Variants in SIK3 observed in about 807,000 individuals in gnomAD.
SIK3 encodes serine/threonine-protein kinase SIK3.
Under a neutral mutation model 144.2 loss-of-function variants are expected in SIK3, and 28 were observed. The ratio of observed to expected loss-of-function variants is 0.19; its 90% CI spans 0.14 to 0.27. The LOEUF (loss-of-function observed/expected upper bound fraction) is 0.27. SIK3 is among the 10% of genes least tolerant of loss of function. SIK3 has a pLI of 1.00. For missense variants in SIK3, 1,319 were observed against 1,776.0 expected, an observed-to-expected ratio of 0.74 and a Z score of 4.62; for synonymous variants, 686 against 676.3, an observed-to-expected ratio of 1.01 and a Z score of -0.22.
intron 1 of SIK3, among the ~76,000 whole-genome samples, chr11:116,994,463 C>T (rs1394626221): frequency 6.6e-6 from 1 of 152,160 alleles, no homozygotes; most frequent in African/African-American, 2.4e-5. Flanking sequence ...AGGTGCTTGC[C>T]CTTGCTGGGT....
intron 1 of SIK3, among the ~76,000 whole-genome samples, chr11:116,993,537 T>A (rs1301153785): frequency 6.6e-6 from 1 of 152,202 alleles, no homozygotes; most frequent in Non-Finnish European, 1.5e-5. Context: ...TTTTTTTTCT[T>A]CCCATCCTTC....
chr11:116,890,307 C>T (rs959074555), intron 6 of SIK3, among the ~76,000 whole-genome samples: 3 of 152,136 alleles, frequency 2.0e-5, no homozygotes, highest in Admixed American at 1.3e-4. Context: ...TGAGAAACAG[C>T]AAGGAAGGCC....
chr11:116,962,317 A>G (rs1205051109), intron 1 of SIK3, among the ~76,000 whole-genome samples: 1 of 152,222 alleles, frequency 6.6e-6, no homozygotes, highest in Non-Finnish European at 1.5e-5. Flanking sequence ...CAAGGGCTCA[A>G]ATTCTTCCAA....
In SIK3 at chr11:117,015,927, C is replaced by T. The variant is rs1951505160; in HGVS notation, c.274-58863G>A. ...GTCCTATGGTAGTGGGTTATCAGAA[C>T]TTATTAACTTTAGTGTCACTAAAGT... On this transcript the variant is annotated intron_variant, in intron 1 of 24. Transcript: ENST00000445177. 2.0e-5 allele frequency: 3 copies of T among 152,152 alleles called. No individual in the cohort carries two copies. In the South Asian group the frequency reaches 6.2e-4, roughly 32 times the overall value. 9.4% of individuals were successfully genotyped at this position (152,152 alleles called of 1,614,324 possible). A position where few individuals can be genotyped will look rare whatever the true frequency, so the allele number is the denominator to read the frequency against.
intron 1 of SIK3, among the ~76,000 whole-genome samples, chr11:117,013,909 G>GTGTGTGTGTGTGTGTGTGTAT (rs1565556631): frequency 8.4e-5 from 3 of 35,624 alleles, no homozygotes; most frequent in South Asian, 8.2e-4. Context: ...AGGGGGGGGG[G>GTGTGTGTGTGTGTGTGTGTAT]GGGAGGGTGT....
At chr11:116,909,128 T>C (rs1266728240) in intron 4 of SIK3, among the ~76,000 whole-genome samples, 1 of 152,118 alleles carries the variant, frequency 6.6e-6, no homozygotes, top group Non-Finnish European at 1.5e-5. Context: ...CATGGATAAA[T>C]CTCACAGACT....
chr11:116,991,803 A>G (rs186364993), intron 1 of SIK3, among the ~76,000 whole-genome samples: 8 of 152,182 alleles, frequency 5.3e-5, no homozygotes, highest in Admixed American at 5.2e-4. Flanking sequence ...GGCCCATTCA[A>G]TCTCCTATCA....
chr11:116,991,634 A>G (rs1950504329), intron 1 of SIK3, among the ~76,000 whole-genome samples: 1 of 152,228 alleles, frequency 6.6e-6, no homozygotes, highest in Non-Finnish European at 1.5e-5. Context: ...GATCTGATCT[A>G]AAAGGTCTAA....
intron 2 of SIK3, 79 bp downstream of exon 2, chr11:116,956,869 C>G (rs970669327): frequency 1.2e-6 from 1 of 807,068 alleles, no homozygotes; most frequent in East Asian, 2.8e-5. Context: ...TGTTCACCCA[C>G]CCACATTTCT....
At chr11:116,935,139 T>C (rs1236734175) in intron 3 of SIK3, among the ~76,000 whole-genome samples, 2 of 151,978 alleles carry the variant, frequency 1.3e-5, no homozygotes, top group Non-Finnish European at 2.9e-5. Flanking sequence ...TGGTAATCTG[T>C]TGAGAGGCTG....
intron 1 of SIK3, among the ~76,000 whole-genome samples, chr11:117,074,892 A>C (rs1348897132): frequency 4.0e-5 from 6 of 151,328 alleles, no homozygotes; most frequent in Admixed American, 1.3e-4. Context: ...GCGCCATTGC[A>C]CTCCAGCCTG....
intron 1 of SIK3, among the ~76,000 whole-genome samples, chr11:117,014,290 A>G (rs1306780678): frequency 6.6e-6 from 1 of 151,890 alleles, no homozygotes; most frequent in Admixed American, 6.6e-5. Context: ...GTCACAATAA[A>G]TATTTGTTTA....
chr11:117,094,810 G>A lies in SIK3; in HGVS notation c.273+3333C>T, dbSNP rs146813371. Among the ~76,000 whole-genome samples the A allele has an allele frequency of 2.4e-4, 36 of 151,562 alleles. No homozygotes were observed. In the East Asian group the frequency reaches 6.8e-3, roughly 28 times the overall value. ...ACAGAGCCAGAGAACCTCAGGCTAAGTAAGGCTCTTCCAAAGAAAAGGAAA... is the reference window on the plus strand; with the variant it reads ...ACAGAGCCAGAGAACCTCAGGCTAAATAAGGCTCTTCCAAAGAAAAGGAAA... On this transcript the variant is annotated intron_variant, in intron 1 of 24. Coordinates refer to ENST00000445177, the MANE Select transcript of SIK3 (RefSeq NM_001366686.3).
intron 1 of SIK3, among the ~76,000 whole-genome samples, chr11:116,981,424 T>C (rs1038181354): frequency 2.6e-5 from 4 of 152,106 alleles, no homozygotes; most frequent in African/African-American, 7.2e-5. Context: ...AATAAAGAAA[T>C]GTGTGGTATT....
chr11:116,889,999 C>T (rs1945020355), intron 6 of SIK3, among the ~76,000 whole-genome samples: 4 of 152,232 alleles, frequency 2.6e-5, no homozygotes, highest in Admixed American at 2.6e-4. Context: ...TAAGACTACT[C>T]TCCAGAGGGG....
At chr11:116,902,903 TCC>T (rs1301656368) in intron 4 of SIK3, among the ~76,000 whole-genome samples, 1 of 152,218 alleles carries the variant, frequency 6.6e-6, no homozygotes, top group African/African-American at 2.4e-5. Flanking sequence ...TGATCCACTC[TCC>T]CTTTTCAATA....
chr11:117,050,362 T>C (rs1008660816), intron 1 of SIK3, among the ~76,000 whole-genome samples: 13 of 152,070 alleles, frequency 8.5e-5, no homozygotes, highest in Admixed American at 2.0e-4. Context: ...CTCGATGTAC[T>C]AATTTTGTAA....
intron 8 of SIK3, 55 bp from the exon 9 acceptor site, chr11:116,876,064 G>T: frequency 6.2e-7 from 1 of 1,601,326 alleles, no homozygotes; most frequent in South Asian, 1.1e-5. Context: ...GCATGTTGAT[G>T]ACCAGAACCC....
intron 2 of SIK3, 123 bp from the exon 3 acceptor site, chr11:116,954,230 T>G (rs1565495864): frequency 2.9e-6 from 2 of 696,938 alleles, no homozygotes; most frequent in Non-Finnish European, 4.8e-6. Flanking sequence ...TAAAGAAAAT[T>G]TAAAACATTT....
Sources: allele counts gnomAD v4.1 joint callset (sites outside exome capture counted in the v4.1 genomes callset), GRCh38; gene constraint gnomAD v4.1.1; transcripts MANE v1.5; gene names NCBI Gene and HGNC (gene_info 2026-07-23, HGNC 2026-07-21).